The following LRRC46 variants were observed in gnomAD, a reference collection of about 807,000 sequenced individuals.
The protein encoded by LRRC46 is leucine rich repeat containing 46.
LRRC46 carries 20 observed loss-of-function variants against 28.0 expected under a neutral mutation model. The observed-to-expected ratio is 0.71, with a 90% CI of 0.50 to 1.04. The LOEUF is 1.04. LRRC46 is among the 50% of genes least tolerant of loss of function. The pLI, the probability that LRRC46 is intolerant of heterozygous loss-of-function variation, is 0.00. For missense variants in LRRC46, 315 were observed against 390.1 expected (o/e 0.81, Z 1.62); for synonymous variants, 156 against 158.8 (o/e 0.98, Z 0.13).
In LRRC46 at chr17:47,831,956, C is replaced by T. The variant is rs1218353396; in HGVS notation, c.-34C>T. ...CCAAGACCTCTCTTTTCGTTCCTCTCCCGCCTCAGACCAGCAGCCTTTTAT... is the reference window on the plus strand; with the variant it reads ...CCAAGACCTCTCTTTTCGTTCCTCTTCCGCCTCAGACCAGCAGCCTTTTAT... On this transcript the variant is annotated 5_prime_UTR_variant, in exon 1 of 8. Coordinates refer to ENST00000269025, the MANE Select transcript of LRRC46 (RefSeq NM_033413.4). The T allele has an allele frequency of 6.2e-7, 1 of 1,612,788 alleles. No individual in the cohort carries two copies. Among genetic ancestry groups the T allele is most frequent in the Non-Finnish European group, 8.5e-7 (1 of 1,180,008 alleles).
At position 47,836,796 on chromosome 17, in the gene LRRC46, C is replaced by T. The variant is rs781411266; in HGVS notation, c.642C>T (p.His214=). Residue 214 remains histidine (H), a synonymous_variant, in exon 8 of 8, where the codon CAC becomes CAT. Transcript: ENST00000269025. This position sits in a 1 kb window ranked among gnomAD's most constrained non-coding sequence, Gnocchi z 5.8. ...LEQELSRHRE[H]RQQTALTEHL... is the part of the protein sequence containing the mutation. ...AGGAGCTGAGCAGGCACAGGGAGCA[C>T]CGGCAACAGACGGCCCTGACAGAGC... 13 of 1,613,882 alleles carry T rather than the reference C, an allele frequency of 8.1e-6. No homozygotes were observed. Among genetic ancestry groups the T allele is most frequent in the Non-Finnish European group, 1.0e-5 (12 of 1,179,990 alleles).
At position 47,836,845 on chromosome 17, in the gene LRRC46, C is replaced by T; in HGVS notation, c.691C>T (p.Pro231Ser). ...TEHLLRMEMQ[P>S]TLTDLPLLPG... ...GCACCTGCTGAGGATGGAGATGCAG[C>T]CCACCCTCACCGACCTGCCCCTGCT... The change falls in exon 8 of 8, where the codon CCC (proline) becomes TCC (serine). Residue 231 changes from proline to serine, a missense_variant. Coordinates refer to ENST00000269025, the MANE Select transcript of LRRC46 (RefSeq NM_033413.4). This position sits in a 1 kb window ranked among gnomAD's most constrained non-coding sequence, Gnocchi z 5.8. 1 of 1,613,894 alleles carries T rather than the reference C, an allele frequency of 6.2e-7. No homozygotes were observed. Among genetic ancestry groups the T allele is most frequent in the Non-Finnish European group, 8.5e-7 (1 of 1,179,994 alleles).
intron 2 of LRRC46, 138 bp from the exon 3 acceptor site, chr17:47,834,287 A>T: frequency 1.3e-6 from 1 of 785,698 alleles, no homozygotes; most frequent in Admixed American, 2.7e-5. Flanking sequence ...AGATGTCAAG[A>T]TGTTTCTCAC....
chr17:47,834,989 G>A (rs1289235139), intron 3 of LRRC46: 12 of 246,406 alleles, frequency 4.9e-5, no homozygotes, highest in African/African-American at 6.8e-5. Context: ...AACTTTAACC[G>A]TCAAGTTCCT....
chr17:47,836,790 G>A lies in LRRC46; in HGVS notation c.636G>A (p.Arg212=). 6.2e-7 allele frequency: 1 copy of A among 1,613,844 alleles called. No individual in the cohort carries two copies. The change falls in exon 8 of 8, where the codon AGG becomes AGA. Residue 212 remains arginine, a synonymous_variant. Coordinates refer to ENST00000269025, the MANE Select transcript of LRRC46 (RefSeq NM_033413.4). The surrounding 1 kb of genome is among the most constrained non-coding windows in gnomAD (Gnocchi z 5.8). ...KELEQELSRH[R]EHRQQTALTE... is the part of the protein sequence containing the mutation. Reference sequence around the variant, plus strand: ...TGGAGCAGGAGCTGAGCAGGCACAGGGAGCACCGGCAACAGACGGCCCTGA... The same window carrying A: ...TGGAGCAGGAGCTGAGCAGGCACAGAGAGCACCGGCAACAGACGGCCCTGA...
intron 2 of LRRC46, among the ~76,000 whole-genome samples, chr17:47,833,167 C>T (rs2033654171): frequency 1.3e-5 from 2 of 152,064 alleles, no homozygotes. Context: ...TGCCTTCTCC[C>T]CATATCCCCC....
chr17:47,831,928 C>A lies in LRRC46; in HGVS notation c.-62C>A. On this transcript the variant is annotated 5_prime_UTR_variant, in exon 1 of 8. Transcript: ENST00000269025. ...TCCTGAGTTCTGCCATCCTTAGGGGCCGCCAAGACCTCTCTTTTCGTTCCT... is the reference window on the plus strand; with the variant it reads ...TCCTGAGTTCTGCCATCCTTAGGGGACGCCAAGACCTCTCTTTTCGTTCCT... The A allele has an allele frequency of 1.2e-6, 2 of 1,609,584 alleles. No homozygotes were observed. Among genetic ancestry groups the A allele is most frequent in the Non-Finnish European group, 1.7e-6 (2 of 1,177,764 alleles).
chr17:47,834,605 A>C, intron 3 of LRRC46, 72 bp downstream of exon 3: 1 of 1,000,776 alleles, frequency 1.0e-6, no homozygotes, highest in Non-Finnish European at 1.6e-6. Context: ...GAAAGGAGCC[A>C]ACCAGGTCAT....
chr17:47,835,061 T>A (rs1218505444), intron 3 of LRRC46: 1 of 406,466 alleles, frequency 2.5e-6, no homozygotes, highest in African/African-American at 2.1e-5. Flanking sequence ...GTTTTCCTGG[T>A]GGCTTCTTAG....
In LRRC46 at chr17:47,835,774, G is replaced by C; in HGVS notation, c.381G>C (p.Leu127=). 1 of 1,613,622 alleles carries C rather than the reference G, an allele frequency of 6.2e-7. No individual in the cohort carries two copies. Among genetic ancestry groups the C allele is most frequent in the Non-Finnish European group, 8.5e-7 (1 of 1,179,516 alleles). ...AGAACCTGATAGAAACATTGAAGCTGGGTAGGAACCCACTCGCCCTGGCTC... is the reference window on the plus strand; with the variant it reads ...AGAACCTGATAGAAACATTGAAGCTCGGTAGGAACCCACTCGCCCTGGCTC... The part of the protein sequence containing the change: ...LSENLIETLK[L]DEFPQSLLIL... The change falls in exon 5 of 8, where the codon CTG becomes CTC. Residue 127 remains leucine, a splice_region_variant and synonymous_variant. Transcript: ENST00000269025.
Position 47,836,600 on chromosome 17 carries a change from C to T in LRRC46, c.595+125C>T. 1.3e-6 allele frequency: 2 copies of T among 1,491,072 alleles called. No individual in the cohort carries two copies. The highest frequency in any genetic ancestry group is 2.4e-5 in the East Asian group (1 of 42,476). 92.4% of individuals were successfully genotyped at this position (1,491,072 alleles called of 1,614,324 possible). A position where few individuals can be genotyped will look rare whatever the true frequency, so the allele number is the denominator to read the frequency against. ...CCCCAAGTTCAGATCAACATCTGGG[C>T]CAGAGCCAGGTGTCAGTCCTGGGCC... On this transcript the variant is annotated intron_variant, in intron 7 of 7. Transcript: ENST00000269025. This position sits in a 1 kb window ranked among gnomAD's most constrained non-coding sequence, Gnocchi z 5.8.
At chr17:47,834,344 CCCT>C in intron 2 of LRRC46, 78 bp from the exon 3 acceptor site, 1 of 1,030,908 alleles carries the variant, frequency 9.7e-7, no homozygotes, top group Non-Finnish European at 1.4e-6. Context: ...GAAACCCCTT[CCCT>C]CCTCCGTCTC....
In LRRC46 at chr17:47,835,646, A is replaced by AC. The variant is rs1411104529; in HGVS notation, c.273-16dup. On this transcript the variant is annotated intron_variant, in intron 4 of 7. Coordinates refer to ENST00000269025, the MANE Select transcript of LRRC46 (RefSeq NM_033413.4). ...TTCCATGATTCAGCTCTGCCTCTGT[A>AC]CCCCTTCCTTCCCCTACAGCTTCCT... 1 of 1,606,846 alleles carries AC rather than the reference A, an allele frequency of 6.2e-7. No homozygotes were observed. Among genetic ancestry groups the AC allele is most frequent in the East Asian group, 2.2e-5 (1 of 44,842 alleles).
At chr17:47,832,990 G>A (rs2033651998) in intron 2 of LRRC46, among the ~76,000 whole-genome samples, 1 of 152,036 alleles carries the variant, frequency 6.6e-6, no homozygotes, top group African/African-American at 2.4e-5. Context: ...GAGTATGTGT[G>A]GATGGGAGGG....
Position 47,834,512 on chromosome 17 carries a change from TCA to T in LRRC46, c.207_208del (p.His69GlnfsTer8). Reference protein sequence around the residue: ...IRNLEGLQNLHSLYLQGNKIQ... With the variant: ...IRNLEGLQNLXSLYLQGNKIQ... ...GGAACTTAGAAGGCCTCCAGAATCT[TCA>T]CAGTCTCTATCTGCAAGGGGTAACT... On this transcript the variant is annotated frameshift_variant, in exon 3 of 8. Coordinates refer to ENST00000269025, the MANE Select transcript of LRRC46 (RefSeq NM_033413.4). LOFTEE classifies it high-confidence loss of function. 2 of 1,611,468 alleles carry T rather than the reference TCA, an allele frequency of 1.2e-6. No homozygotes were observed. The highest frequency in any genetic ancestry group is 2.2e-5 in the East Asian group (1 of 44,860).
At chr17:47,832,314 C>G (rs2033644782) in intron 2 of LRRC46, 109 bp downstream of exon 2, 1 of 733,112 alleles carries the variant, frequency 1.4e-6, no homozygotes, top group Non-Finnish European at 2.2e-6. Flanking sequence ...CTCCTTACTC[C>G]ACACATTCAA....
At position 47,836,893 on chromosome 17, in the gene LRRC46, G is replaced by T; in HGVS notation, c.739G>T (p.Asp247Tyr). 1 of 1,613,820 alleles carries T rather than the reference G, an allele frequency of 6.2e-7. No individual in the cohort carries two copies. Among genetic ancestry groups the T allele is most frequent in the Non-Finnish European group, 8.5e-7 (1 of 1,179,984 alleles). The change falls in exon 8 of 8, where the codon GAC (aspartate) becomes TAC (tyrosine). Residue 247 changes from aspartate to tyrosine, a missense_variant. Transcript: ENST00000269025. The surrounding 1 kb of genome is among the most constrained non-coding windows in gnomAD (Gnocchi z 5.8). ...GCTACCTGGGGTGCCCATGGCTGGGGACAGCAGCCCTTCTGCCACTCCTGC... is the reference window on the plus strand; with the variant it reads ...GCTACCTGGGGTGCCCATGGCTGGGTACAGCAGCCCTTCTGCCACTCCTGC... ...PLLPGVPMAG[D>Y]SSPSATPAQG...
chr17:47,836,610 G>C lies in LRRC46; in HGVS notation c.595+135G>C. On this transcript the variant is annotated intron_variant, in intron 7 of 7. Transcript: ENST00000269025. The surrounding 1 kb of genome is among the most constrained non-coding windows in gnomAD (Gnocchi z 5.8). ...AGATCAACATCTGGGCCAGAGCCAGGTGTCAGTCCTGGGCCCCAGCCTCAG... is the reference window on the plus strand; with the variant it reads ...AGATCAACATCTGGGCCAGAGCCAGCTGTCAGTCCTGGGCCCCAGCCTCAG... 1.3e-6 allele frequency: 2 copies of C among 1,486,938 alleles called. No homozygotes were observed. The highest frequency in any genetic ancestry group is 1.8e-6 in the Non-Finnish European group (2 of 1,107,830). 92.1% of individuals were successfully genotyped at this position (1,486,938 alleles called of 1,614,324 possible).
Position 47,837,033 on chromosome 17 carries a change from G to T in LRRC46, c.879G>T (p.Lys293Asn), listed in dbSNP as rs138204072. 2.1e-4 allele frequency: 346 copies of T among 1,610,430 alleles called. No homozygotes were observed. The highest frequency in any genetic ancestry group is 2.6e-4 in the Non-Finnish European group (311 of 1,179,164). Residue 293 changes from lysine (K) to asparagine (N), a missense_variant, in exon 8 of 8, where the codon AAG becomes AAT. Transcript: ENST00000269025. ...ACCAAAGCTCTTTCTGGGGAAGGAA[G>T]GGGGCACGAGCAGCCACAGCCCCCA... is the stretch of plus-strand genomic sequence containing the variant. ...RGHQSSFWGR[K>N]GARAATAPKA...
Sources: allele counts gnomAD v4.1 joint callset (sites outside exome capture counted in the v4.1 genomes callset), GRCh38; gene constraint gnomAD v4.1.1; non-coding constraint Gnocchi (gnomAD v3.1); transcripts MANE v1.5; gene names NCBI Gene and HGNC (gene_info 2026-07-23, HGNC 2026-07-21).